The following SYNE2 variants were observed in gnomAD, a reference collection of about 807,000 sequenced individuals.
SYNE2 encodes spectrin repeat containing nuclear envelope protein 2.
Under a neutral mutation model 856.3 loss-of-function variants are expected in SYNE2, and 431 were observed. The ratio of observed to expected loss-of-function variants is 0.50; its 90% confidence interval spans 0.47 to 0.55. The LOEUF (loss-of-function observed/expected upper bound fraction) is 0.55, where lower values mean the gene tolerates loss of function less well. Among genes scored for constraint, SYNE2 ranks in the 20% least tolerant of loss-of-function variants. The pLI is 0.00. For missense variants in SYNE2, 8,129 were observed against 8,023.2 expected, an observed-to-expected ratio of 1.01 and a Z score of -0.50; for synonymous variants, 2,923 against 2,872.3, an observed-to-expected ratio of 1.02 and a Z score of -0.56.
At chr14:64,024,487 A>C in intron 39 of SYNE2, 28 bp downstream of exon 39, 1 of 1,596,074 alleles carries the variant, frequency 6.3e-7, no homozygotes, top group Non-Finnish European at 8.6e-7. Flanking sequence ...TATCTAAATA[A>C]CATGTTTTCT....
At chr14:63,928,343 T>C (rs1277389625) in intron 2 of SYNE2, among the ~76,000 whole-genome samples, 1 of 152,230 alleles carries the variant, frequency 6.6e-6, no homozygotes, top group Admixed American at 6.5e-5. Flanking sequence ...GGGGGACATG[T>C]GTGACATAAA....
At chr14:63,959,607 C>T (rs1036360111) in intron 8 of SYNE2, among the ~76,000 whole-genome samples, 1 of 151,982 alleles carries the variant, frequency 6.6e-6, no homozygotes, top group African/African-American at 2.4e-5. Context: ...TGCCTACAGC[C>T]GTATTTCTAC....
chr14:64,188,385 AC>A (rs1249068670), intron 97 of SYNE2, among the ~76,000 whole-genome samples, 164 bp from the exon 98 acceptor site: 1 of 152,182 alleles, frequency 6.6e-6, no homozygotes, highest in African/African-American at 2.4e-5. Context: ...GGTGTAAGGA[AC>A]TTCTGTTGAT....
chr14:63,847,101 C>T (rs918400622), intron 1 of SYNE2, among the ~76,000 whole-genome samples: 6 of 151,168 alleles, frequency 4.0e-5, no homozygotes, highest in African/African-American at 1.5e-4. Context: ...GGATTACAGG[C>T]GTGAGCCACA....
At chr14:63,863,582 A>G (rs150156496) in intron 1 of SYNE2, among the ~76,000 whole-genome samples, 7 of 152,322 alleles carry the variant, frequency 4.6e-5, no homozygotes, top group African/African-American at 1.7e-4. Context: ...ACTGTCTCCC[A>G]TGCCTCCAAA....
chr14:64,219,116 T>G (rs2098681887), intron 109 of SYNE2, 92 bp from the exon 110 acceptor site: 1 of 969,202 alleles, frequency 1.0e-6, no homozygotes, highest in Non-Finnish European at 1.5e-6. Context: ...TTTTTTTTTT[T>G]TTTTTTTTAA....
intron 1 of SYNE2, among the ~76,000 whole-genome samples, chr14:63,899,288 G>A (rs112787100): frequency 6.6e-6 from 1 of 151,782 alleles, no homozygotes; most frequent in Non-Finnish European, 1.5e-5. Context: ...TGCAACCTCC[G>A]CCTCCTGGGT....
At chr14:63,968,351 T>A (rs1459494450) in intron 11 of SYNE2, among the ~76,000 whole-genome samples, 1 of 152,220 alleles carries the variant, frequency 6.6e-6, no homozygotes, top group East Asian at 1.9e-4. Flanking sequence ...TTTTGCATTC[T>A]GCTTAGAGAA....
chr14:63,794,349 G>A (rs532120198), intron 1 of SYNE2, among the ~76,000 whole-genome samples: 8 of 152,046 alleles, frequency 5.3e-5, no homozygotes, highest in East Asian at 3.9e-4. Flanking sequence ...GCCACCATGC[G>A]TGGCTAATTT....
chr14:63,935,220 A>G (rs978887426), intron 2 of SYNE2, among the ~76,000 whole-genome samples: 6 of 152,222 alleles, frequency 3.9e-5, no homozygotes, highest in African/African-American at 1.4e-4. Flanking sequence ...AGCCTGAATT[A>G]TCCAGTTGGC....
intron 63 of SYNE2, 168 bp downstream of exon 63, chr14:64,098,989 G>C: frequency 1.5e-6 from 1 of 687,204 alleles, no homozygotes; most frequent in Non-Finnish European, 2.5e-6. Flanking sequence ...TTAAGTGTAT[G>C]GAAACCTACT....
intron 1 of SYNE2, among the ~76,000 whole-genome samples, chr14:63,767,324 G>T (rs1018647477): frequency 1.3e-5 from 2 of 151,848 alleles, no homozygotes; most frequent in African/African-American, 2.4e-5. Flanking sequence ...TGTCTAGGCT[G>T]GTCTTGAACT....
chr14:64,099,835 G>A (rs1404830162), intron 63 of SYNE2: 1 of 151,832 alleles, frequency 6.6e-6, no homozygotes, highest in Non-Finnish European at 1.5e-5. Flanking sequence ...TGCCATGCTG[G>A]TGCACCGTAC....
At chr14:63,982,104 A>G (rs1015417193) in intron 16 of SYNE2, among the ~76,000 whole-genome samples, 2 of 152,200 alleles carry the variant, frequency 1.3e-5, no homozygotes, top group Admixed American at 6.5e-5. Flanking sequence ...AAGGAGACAC[A>G]ACAACATCCA....
rs771574403 is a variant in SYNE2, at chr14:64,212,841, A to C, written c.18892A>C (p.Asn6298His). Residue 6298 changes from asparagine (N) to histidine (H), a missense_variant, in exon 105 of 116, where the codon AAC becomes CAC. Around this residue, in one of 3 missense-constraint regions of SYNE2, gnomAD observed 5,410 missense variants for 5,284.8 expected, o/e 1.02. Transcript: ENST00000555002. ...CCAACAGGAAATTACATTAAATACC[A>C]ACAAGATTGATCAGCTCATTGTGTT... ...GFQQEITLNTNKIDQLIVFGE... is the reference protein window; with the variant it reads ...GFQQEITLNTHKIDQLIVFGE... The C allele has an allele frequency of 1.9e-6, 3 of 1,614,236 alleles. No homozygotes were observed. In the South Asian group the frequency reaches 3.3e-5, roughly 18 times the overall value.
In SYNE2 at chr14:64,069,678, T is replaced by G. The variant is rs1301703307; in HGVS notation, c.10432-967T>G. Among the ~76,000 whole-genome samples, 3 of 152,290 alleles carry G rather than the reference T, an allele frequency of 2.0e-5. No homozygotes were observed. In the East Asian group the frequency reaches 5.8e-4, roughly 29 times the overall value. On this transcript the variant is annotated intron_variant, in intron 51 of 115. Transcript: ENST00000555002. Reference sequence around the variant, plus strand: ...TTTTTTAGTGGTAGAGTTGTAAGATTGAACAACTTGACCTTTATCTTAGAG... The same window carrying G: ...TTTTTTAGTGGTAGAGTTGTAAGATGGAACAACTTGACCTTTATCTTAGAG...
intron 1 of SYNE2, among the ~76,000 whole-genome samples, chr14:63,876,706 T>G (rs2094729955): frequency 6.6e-6 from 1 of 152,150 alleles, no homozygotes. Context: ...CAGGATGGTC[T>G]CGATCTCCTG....
In SYNE2 at chr14:64,093,424, C is replaced by T. The variant is rs774160571; in HGVS notation, c.12052C>T (p.Gln4018Ter). 1 of 1,614,116 alleles carries T rather than the reference C, an allele frequency of 6.2e-7. No homozygotes were observed. The highest frequency in any genetic ancestry group is 1.1e-5 in the South Asian group (1 of 91,078). ...LKQILNNYSAQFSLEHMSPDQ... is the reference protein window; with the variant it reads ...LKQILNNYSA ...ACAGATCTTAAATAATTATTCAGCT[C>T]AGTTCTCCCTTGAACATATGTCACC... Residue 4018 changes from glutamine (Q) to a stop codon, truncating the protein, a stop_gained, in exon 61 of 116, where the codon CAG (glutamine) becomes TAG (stop). Coordinates refer to ENST00000555002, the MANE Select transcript of SYNE2 (RefSeq NM_182914.3). LOFTEE classifies it high-confidence loss of function.
At chr14:63,842,462 C>CTTT (rs111976320) in intron 1 of SYNE2, among the ~76,000 whole-genome samples, 8 of 148,154 alleles carry the variant, frequency 5.4e-5, no homozygotes, top group Admixed American at 4.0e-4. Flanking sequence ...TTCTTTTTCT[C>CTTT]CTTTTTTTTT....
Sources: gnomAD v4.1 joint callset for allele counts (sites outside exome capture counted in the v4.1 genomes callset) on GRCh38, gnomAD v4.1.1 for gene constraint, gnomAD v4.1.1 regional missense constraint, MANE v1.5 for transcripts, NCBI Gene and HGNC (gene_info 2026-07-23, HGNC 2026-07-21) for gene names.